Variants in XPR1 observed in about 807,000 individuals in gnomAD.
The protein encoded by XPR1 is solute carrier family 53 member 1.
In XPR1, 28 loss-of-function variants were observed where a neutral mutation model predicts 87.5. The ratio of observed to expected loss-of-function variants is 0.32; its 90% CI spans 0.24 to 0.44. The LOEUF is 0.44. Among genes scored for constraint, XPR1 ranks in the 20% least tolerant of loss-of-function variants. The probability of loss-of-function intolerance (pLI) is 1.00; values close to 1 mark genes in which losing one functional copy is unlikely to be tolerated. For missense variants in XPR1, 559 were observed against 862.3 expected (o/e 0.65, Z 4.41); for synonymous variants, 300 against 306.1 (o/e 0.98, Z 0.21).
At chr1:180,788,142 C>T (rs1401136136) in intron 3 of XPR1, among the ~76,000 whole-genome samples, 4 of 152,120 alleles carry the variant, frequency 2.6e-5, no homozygotes, top group African/African-American at 7.2e-5. Context: ...CTTGAAGAGT[C>T]AGAAACTTGA....
chr1:180,761,227 A>G, intron 2 of XPR1, among the ~76,000 whole-genome samples: 1 of 152,246 alleles, frequency 6.6e-6, no homozygotes, highest in Non-Finnish European at 1.5e-5. Context: ...CTTCATGTCT[A>G]AAACACCAAA....
intron 2 of XPR1, among the ~76,000 whole-genome samples, chr1:180,715,660 G>A (rs1255293085): frequency 2.0e-5 from 3 of 149,030 alleles, no homozygotes; most frequent in Non-Finnish European, 4.5e-5. Flanking sequence ...CAGAGAAGTT[G>A]TTTTTTTTTT....
intron 11 of XPR1, among the ~76,000 whole-genome samples, chr1:180,858,416 T>A (rs1652106569): frequency 6.6e-6 from 1 of 152,236 alleles, no homozygotes; most frequent in Non-Finnish European, 1.5e-5. Flanking sequence ...GTGTAATAAC[T>A]TTTAAATTCT....
intron 2 of XPR1, among the ~76,000 whole-genome samples, chr1:180,778,450 T>C (rs1021652907): frequency 6.6e-5 from 10 of 152,208 alleles, no homozygotes; most frequent in African/African-American, 2.4e-4. Context: ...TAAAGCTCCT[T>C]TTGCCTTAAA....
intron 2 of XPR1, among the ~76,000 whole-genome samples, chr1:180,693,306 G>A (rs1056674426): frequency 2.6e-5 from 4 of 152,316 alleles, no homozygotes; most frequent in Admixed American, 6.5e-5. Flanking sequence ...AAGAAACAAC[G>A]AGAAAGCTAG....
chr1:180,765,958 A>G (rs1373624581), intron 2 of XPR1, among the ~76,000 whole-genome samples: 1 of 151,954 alleles, frequency 6.6e-6, no homozygotes, highest in South Asian at 2.1e-4. Flanking sequence ...TGGTGCAGAA[A>G]TTTAAGAGAC....
intron 9 of XPR1, among the ~76,000 whole-genome samples, chr1:180,829,889 T>G (rs1392095843): frequency 6.6e-6 from 1 of 152,142 alleles, no homozygotes; most frequent in African/African-American, 2.4e-5. Context: ...CCTTTTTTCC[T>G]TATTTAATGC....
chr1:180,852,326 A>T (rs1651890283), intron 11 of XPR1, among the ~76,000 whole-genome samples: 1 of 152,178 alleles, frequency 6.6e-6, no homozygotes, highest in African/African-American at 2.4e-5. Context: ...CACTTTACAA[A>T]CATAGTATAA....
intron 2 of XPR1, among the ~76,000 whole-genome samples, chr1:180,694,773 GCACACA>G (rs56118040): frequency 0.014 from 2,091 of 149,620 alleles, 39 homozygotes; most frequent in African/African-American, 0.039. Flanking sequence ...ATTGTTGTGT[GCACACA>G]CACACACACA....
chr1:180,633,986 A>C (rs1034789096), intron 1 of XPR1, among the ~76,000 whole-genome samples: 2 of 152,204 alleles, frequency 1.3e-5, no homozygotes, highest in African/African-American at 2.4e-5. Context: ...TCGACACTTA[A>C]CTATTTCATG....
At chr1:180,810,569 A>G (rs1650170550) in intron 6 of XPR1, among the ~76,000 whole-genome samples, 1 of 151,890 alleles carries the variant, frequency 6.6e-6, no homozygotes, top group Admixed American at 6.6e-5. Flanking sequence ...ATAGGACGAG[A>G]CCATGTCTCA....
At chr1:180,799,694 A>G (rs905062015) in intron 3 of XPR1, among the ~76,000 whole-genome samples, 1 of 152,142 alleles carries the variant, frequency 6.6e-6, no homozygotes, top group Non-Finnish European at 1.5e-5. Context: ...CATCCAACAC[A>G]ATCAACCTGC....
At chr1:180,774,573 G>GT (rs936699225) in intron 2 of XPR1, among the ~76,000 whole-genome samples, 3 of 151,230 alleles carry the variant, frequency 2.0e-5, no homozygotes, top group Non-Finnish European at 4.4e-5. Flanking sequence ...TTGTTTGTTT[G>GT]TTTTTTTGTA....
intron 7 of XPR1, 103 bp downstream of exon 7, chr1:180,811,591 A>T: frequency 1.1e-6 from 1 of 877,070 alleles, no homozygotes; most frequent in Non-Finnish European, 1.7e-6. Context: ...AAGCTACTGA[A>T]AGATAAATCT....
At chr1:180,635,306 C>T (rs1237713950) in intron 1 of XPR1, among the ~76,000 whole-genome samples, 1 of 152,100 alleles carries the variant, frequency 6.6e-6, no homozygotes, top group Non-Finnish European at 1.5e-5. Context: ...TAAAATAGAA[C>T]ACCGGTAAAT....
At chr1:180,759,631 C>T (rs1177855382) in intron 2 of XPR1, among the ~76,000 whole-genome samples, 1 of 152,108 alleles carries the variant, frequency 6.6e-6, no homozygotes, top group East Asian at 1.9e-4. Flanking sequence ...CAATAGCTTA[C>T]CAACCAAAAA....
Position 180,824,853 on chromosome 1 carries a change from C to A in XPR1, c.864C>A (p.Asn288Lys). Residue 288 changes from asparagine to lysine, a missense_variant, in exon 8 of 15, where the codon AAC becomes AAA. Asn to Lys is a moderately conservative substitution (Grantham distance 94, BLOSUM62 0). Coordinates refer to ENST00000367590, the MANE Select transcript of XPR1 (RefSeq NM_004736.4). ...AATTCCTTTTTCTACTGGGCATCAA[C>A]ACGTATGGTTGGAGACAGGCTGGAG... is the stretch of plus-strand genomic sequence containing the variant. The part of the protein sequence containing the change: ...LIEFLFLLGI[N>K]TYGWRQAGVN... The A allele has an allele frequency of 6.2e-7, 1 of 1,614,064 alleles. No individual in the cohort carries two copies. Among genetic ancestry groups the A allele is most frequent in the Non-Finnish European group, 8.5e-7 (1 of 1,179,984 alleles).
Position 180,632,166 on chromosome 1 carries a change from G to A in XPR1, c.-36G>A, listed in dbSNP as rs1308440705. 1.9e-6 allele frequency: 3 copies of A among 1,590,232 alleles called. No individual in the cohort carries two copies. Among genetic ancestry groups the A allele is most frequent in the Non-Finnish European group, 2.6e-6 (3 of 1,168,844 alleles). ...GCTGTTGCCGCCGCCGCCTGTAGCT[G>A]CTGGACCCGAGTGGGAGTGAGGGGG... On this transcript the variant is annotated 5_prime_UTR_variant, in exon 1 of 15. Transcript: ENST00000367590.
intron 2 of XPR1, among the ~76,000 whole-genome samples, chr1:180,786,579 T>C (rs1649149272): frequency 1.3e-5 from 2 of 152,198 alleles, no homozygotes; most frequent in African/African-American, 4.8e-5. Flanking sequence ...AAGTTACATA[T>C]ATCTCTACAT....
Sources: gnomAD v4.1 joint callset for allele counts (sites outside exome capture counted in the v4.1 genomes callset) on GRCh38, gnomAD v4.1.1 for gene constraint, MANE v1.5 for transcripts, NCBI Gene and HGNC (gene_info 2026-07-23, HGNC 2026-07-21) for gene names.